RAD23B: variants seen among roughly 807,000 people sequenced by gnomAD.
The protein encoded by RAD23B is lysine-specific demethylase RAD23B.
Under a neutral mutation model 49.1 loss-of-function variants are expected in RAD23B, and 5 were observed. The observed-to-expected ratio is 0.10, with a 90% CI of 0.05 to 0.21. The LOEUF (loss-of-function observed/expected upper bound fraction) is 0.21. Among genes scored for constraint, RAD23B ranks in the 10% least tolerant of loss-of-function variants. RAD23B has a pLI of 1.00. For missense variants in RAD23B, 356 were observed against 486.7 expected (o/e 0.73, Z 2.53); for synonymous variants, 184 against 165.4 (o/e 1.11, Z -0.86).
intron 9 of RAD23B, among the ~76,000 whole-genome samples, chr9:107,325,548 T>G (rs1479844082): frequency 6.6e-6 from 1 of 152,226 alleles, no homozygotes; most frequent in African/African-American, 2.4e-5. Context: ...AGACTGTTCA[T>G]TGCTAACTAT....
intron 5 of RAD23B, among the ~76,000 whole-genome samples, chr9:107,315,043 A>T (rs1389899374): frequency 1.3e-5 from 2 of 152,036 alleles, no homozygotes; most frequent in African/African-American, 4.8e-5. Context: ...ACTTTGTTAG[A>T]TTGCCTAAGC....
chr9:107,326,480 CAAAA>C (rs1223341449), intron 9 of RAD23B, among the ~76,000 whole-genome samples: 2 of 56,492 alleles, frequency 3.5e-5, no homozygotes, highest in Non-Finnish European at 4.2e-5. Flanking sequence ...GACTCTGTCT[CAAAA>C]AAAAAAAAAA....
rs983923676 is a variant in RAD23B, at chr9:107,321,658, T to A, written c.682-325T>A. Among the ~76,000 whole-genome samples the A allele has an allele frequency of 3.3e-5, 5 of 152,228 alleles. No individual in the cohort carries two copies. The South Asian group carries it at 1.0e-3, about 32-fold the overall frequency. ...TAAGAAGGTACATGTATCAATATTT[T>A]TCAAATTTGATGCTAATTACGTGTG... On this transcript the variant is annotated intron_variant, in intron 6 of 9. Transcript: ENST00000358015.
intron 4 of RAD23B, among the ~76,000 whole-genome samples, chr9:107,308,525 C>T (rs981281500): frequency 6.6e-6 from 1 of 152,100 alleles, no homozygotes; most frequent in South Asian, 2.1e-4. Context: ...AGCCCATTAA[C>T]TCTAGTTTTA....
intron 1 of RAD23B, among the ~76,000 whole-genome samples, chr9:107,292,608 A>G (rs765392226): frequency 1.5e-5 from 2 of 135,754 alleles, no homozygotes; most frequent in Non-Finnish European, 3.1e-5. Context: ...TGAACTCGTG[A>G]GGTGGAGGTT....
At chr9:107,287,108 G>A (rs982754528) in intron 1 of RAD23B, among the ~76,000 whole-genome samples, 7 of 151,970 alleles carry the variant, frequency 4.6e-5, no homozygotes, top group African/African-American at 1.2e-4. Flanking sequence ...AAGTTTAATG[G>A]TGTGATGGAC....
At chr9:107,287,832 C>CT (rs1833303616) in intron 1 of RAD23B, among the ~76,000 whole-genome samples, 2 of 75,706 alleles carry the variant, frequency 2.6e-5, no homozygotes, top group Admixed American at 2.9e-4. Context: ...GAAACTCCAT[C>CT]TCAAAAAAAA....
At chr9:107,306,981 A>G (rs57037569) in intron 4 of RAD23B, among the ~76,000 whole-genome samples, 3,340 of 152,096 alleles carry the variant, frequency 0.022, 115 homozygotes, top group African/African-American at 0.074. Context: ...ACATCATGAC[A>G]TTGCCACCCT....
chr9:107,323,214 T>C (rs1369549126), intron 7 of RAD23B, among the ~76,000 whole-genome samples: 2 of 152,210 alleles, frequency 1.3e-5, no homozygotes, highest in Non-Finnish European at 1.5e-5. Flanking sequence ...TATTAACATT[T>C]ATTATTGTGA....
chr9:107,306,874 G>A (rs375395426), intron 4 of RAD23B, among the ~76,000 whole-genome samples: 24 of 151,220 alleles, frequency 1.6e-4, no homozygotes, highest in African/African-American at 5.8e-4. Context: ...TTTGGGCAGG[G>A]TGGGGGGCAG....
intron 1 of RAD23B, chr9:107,283,978 TA>T (rs1450906838): frequency 1.8e-6 from 2 of 1,112,434 alleles, no homozygotes; most frequent in African/African-American, 3.3e-5. Context: ...GAGCTCGTGC[TA>T]GCGGGGCCGG....
intron 2 of RAD23B, 110 bp from the exon 3 acceptor site, chr9:107,301,925 C>T: frequency 7.2e-7 from 1 of 1,383,812 alleles, no homozygotes; most frequent in Middle Eastern, 2.6e-4. Context: ...GTTGGTGATT[C>T]ATATTTTAAT....
intron 2 of RAD23B, among the ~76,000 whole-genome samples, chr9:107,301,531 C>T (rs1826653203): frequency 1.3e-5 from 2 of 151,958 alleles, no homozygotes; most frequent in Admixed American, 1.3e-4. Flanking sequence ...TAGTCAAATG[C>T]TTATGCTTTT....
chr9:107,301,112 TAG>T (rs1454622174), intron 2 of RAD23B, among the ~76,000 whole-genome samples: 16 of 152,214 alleles, frequency 1.1e-4, no homozygotes, highest in Admixed American at 8.5e-4. Context: ...CAAGAAACAC[TAG>T]AGAGTCCTAG....
At chr9:107,290,843 T>C (rs1469816121) in intron 1 of RAD23B, among the ~76,000 whole-genome samples, 4 of 152,212 alleles carry the variant, frequency 2.6e-5, no homozygotes, top group Admixed American at 2.0e-4. Context: ...TTTTGAACAG[T>C]GTGTAAAATC....
intron 1 of RAD23B, chr9:107,283,912 C>T (rs1833215510): frequency 2.0e-6 from 2 of 981,882 alleles, no homozygotes. Flanking sequence ...AGTGGCCGGA[C>T]GCCGAAGGCC....
chr9:107,330,703 C>T lies in RAD23B; in HGVS notation c.*1047C>T, dbSNP rs1346145811. 1 of 152,518 alleles carries T rather than the reference C, an allele frequency of 6.6e-6. No individual in the cohort carries two copies. The highest frequency in any genetic ancestry group is 6.5e-5 in the Admixed American group (1 of 15,276). The allele number at this position is 152,518 out of a possible 1,614,324, so 9.4% of individuals were successfully genotyped here. On this transcript the variant is annotated 3_prime_UTR_variant, in exon 10 of 10. Transcript: ENST00000358015. This position sits in a 1 kb window ranked among gnomAD's most constrained non-coding sequence, Gnocchi z 4.4. The stretch of plus-strand genomic sequence containing the variant: ...TTCTTTATTAGATAAGAGTGTATTA[C>T]CATTAAAGTCATTAGTATAATATTG...
chr9:107,319,567 T>C (rs1827068879), intron 6 of RAD23B, among the ~76,000 whole-genome samples: 1 of 152,192 alleles, frequency 6.6e-6, no homozygotes, highest in Non-Finnish European at 1.5e-5. Flanking sequence ...ACAACTTTGA[T>C]CCCAGATTTT....
At chr9:107,284,931 G>A in intron 1 of RAD23B, 2 of 1,299,234 alleles carry the variant, frequency 1.5e-6, no homozygotes, top group Non-Finnish European at 2.0e-6. Context: ...TTTACTTGGT[G>A]GTCAGTAAAT....
Sources: allele counts gnomAD v4.1 joint callset (sites outside exome capture counted in the v4.1 genomes callset), GRCh38; gene constraint gnomAD v4.1.1; non-coding constraint Gnocchi (gnomAD v3.1); transcripts MANE v1.5; gene names NCBI Gene and HGNC (gene_info 2026-07-23, HGNC 2026-07-21).